The following TFAP2E variants were observed in gnomAD, a reference collection of about 807,000 sequenced individuals.
TFAP2E encodes transcription factor AP-2 epsilon.
In TFAP2E, 30 loss-of-function variants were observed where a neutral mutation model predicts 37.9. That is an observed-to-expected ratio of 0.79 (90% CI 0.59 to 1.07). TFAP2E has a LOEUF of 1.07. Ranked by LOEUF, TFAP2E falls within the 50% of genes least tolerant of loss-of-function variation. TFAP2E has a pLI of 0.00. For synonymous variants in TFAP2E, 318 were observed against 295.8 expected (o/e 1.08, Z -0.77); for missense variants, 567 against 637.9 (o/e 0.89, Z 1.20).
At chr1:35,578,585 G>GATT (rs1649251859) in intron 3 of TFAP2E, among the ~76,000 whole-genome samples, 1 of 152,034 alleles carries the variant, frequency 6.6e-6, no homozygotes, top group South Asian at 2.1e-4. Flanking sequence ...CCCTCTCCAC[G>GATT]GGCTCAGCTG....
chr1:35,587,135 C>G (rs140706149), intron 3 of TFAP2E, among the ~76,000 whole-genome samples: 69 of 152,282 alleles, frequency 4.5e-4, no homozygotes, highest in Middle Eastern at 3.4e-3. Context: ...GTCCCAGACT[C>G]CACACCCGAG....
rs879329755 is a variant in TFAP2E, at chr1:35,584,528, AAT to A, written c.563-3801_563-3800del. Among the ~76,000 whole-genome samples the A allele has an allele frequency of 1.4e-3, 218 of 151,692 alleles. 2 individuals are homozygous for A. The highest frequency in any genetic ancestry group is 1.5e-3 in the Non-Finnish European group (104 of 67,942). ...TTACTTTGCCCTTCTTTTTATTTTT[AAT>A]TTATCAATTTTTTGTTTTTGTTTTT... On this transcript the variant is annotated intron_variant, in intron 3 of 6. Transcript: ENST00000373235.
Position 35,588,469 on chromosome 1 carries a change from C to A in TFAP2E, c.702C>A (p.Tyr234Ter). 6.2e-7 allele frequency: 1 copy of A among 1,610,136 alleles called. No homozygotes were observed. The highest frequency in any genetic ancestry group is 8.5e-7 in the Non-Finnish European group (1 of 1,179,476). The change falls in exon 4 of 7, where the codon TAC becomes TAA. Residue 234 changes from tyrosine (Y) to a stop codon, truncating the protein, a stop_gained. Transcript: ENST00000373235. LOFTEE classifies it high-confidence loss of function. This position sits in a 1 kb window ranked among gnomAD's most constrained non-coding sequence, Gnocchi z 5.1. The part of the protein sequence containing the change: ...RLSLLSSTSK[Y>*]KVTVGEVQRR... ...CACTGCTCAGCTCAACGTCCAAGTA[C>A]AAGGTGACGGTGGGGGAGGTGCAGC...
In TFAP2E at chr1:35,590,826, ACAT is replaced by A; in HGVS notation, c.1046+55_1046+57del. ...ACACGTGGGTGCCATGCACAGACAGACATCATGTATGGGCACAATGGACACCAC... is the reference window on the plus strand; with the variant it reads ...ACACGTGGGTGCCATGCACAGACAGACATGTATGGGCACAATGGACACCAC... On this transcript the variant is annotated intron_variant, in intron 6 of 6. Transcript: ENST00000373235. This position sits in a 1 kb window ranked among gnomAD's most constrained non-coding sequence, Gnocchi z 6.2. 1 of 1,349,436 alleles carries A rather than the reference ACAT, an allele frequency of 7.4e-7. No homozygotes were observed. Among genetic ancestry groups the A allele is most frequent in the African/African-American group, 1.5e-5 (1 of 68,242 alleles). The allele number at this position is 1,349,436 out of a possible 1,614,324, so 83.6% of individuals were successfully genotyped here. A position where few individuals can be genotyped will look rare whatever the true frequency, so the allele number is the denominator to read the frequency against.
In TFAP2E at chr1:35,590,146, T is replaced by C; in HGVS notation, c.904+98T>C. ...ATGCAGGAGGGTGTGTTTAGTGGTG[T>C]GTGTGTATCCGTGTAAGTGTTGCAG... is the stretch of plus-strand genomic sequence containing the variant. On this transcript the variant is annotated intron_variant, in intron 5 of 6. Coordinates refer to ENST00000373235, the MANE Select transcript of TFAP2E (RefSeq NM_178548.4). The surrounding 1 kb of genome is among the most constrained non-coding windows in gnomAD (Gnocchi z 6.2). 2 of 1,113,412 alleles carry C rather than the reference T, an allele frequency of 1.8e-6. No individual in the cohort carries two copies. Among genetic ancestry groups the C allele is most frequent in the South Asian group, 1.3e-5 (1 of 77,664 alleles). The allele number at this position is 1,113,412 out of a possible 1,614,324, so 69.0% of individuals were successfully genotyped here. A position where few individuals can be genotyped will look rare whatever the true frequency, so the allele number is the denominator to read the frequency against.
In TFAP2E at chr1:35,588,451, C is replaced by T; in HGVS notation, c.684C>T (p.Leu228=). The change falls in exon 4 of 7, where the codon CTC becomes CTT. Residue 228 remains leucine, a synonymous_variant. Coordinates refer to ENST00000373235, the MANE Select transcript of TFAP2E (RefSeq NM_178548.4). This position sits in a 1 kb window ranked among gnomAD's most constrained non-coding sequence, Gnocchi z 5.1. Reference sequence around the variant, plus strand: ...CCGTGCCCGGCCGGCTTTCACTGCTCAGCTCAACGTCCAAGTACAAGGTGA... The same window carrying T: ...CCGTGCCCGGCCGGCTTTCACTGCTTAGCTCAACGTCCAAGTACAAGGTGA... The part of the protein sequence containing the change: ...FCSVPGRLSL[L]SSTSKYKVTV... 3 of 1,611,144 alleles carry T rather than the reference C, an allele frequency of 1.9e-6. No homozygotes were observed. Among genetic ancestry groups the T allele is most frequent in the Non-Finnish European group, 2.5e-6 (3 of 1,179,920 alleles).
chr1:35,584,546 T>C (rs754180680), intron 3 of TFAP2E, among the ~76,000 whole-genome samples: 1 of 151,976 alleles, frequency 6.6e-6, no homozygotes, highest in African/African-American at 2.4e-5. Context: ...AATTTTTTGT[T>C]TTTGTTTTTG....
intron 3 of TFAP2E, among the ~76,000 whole-genome samples, chr1:35,578,625 G>A (rs1322014503): frequency 6.6e-6 from 1 of 152,080 alleles, no homozygotes; most frequent in East Asian, 1.9e-4. Context: ...TAGGACAGGA[G>A]CTGATGTAAA....
intron 4 of TFAP2E, 33 bp from the exon 5 acceptor site, chr1:35,589,897 G>A: frequency 1.2e-6 from 2 of 1,609,020 alleles, no homozygotes; most frequent in Non-Finnish European, 1.7e-6. Flanking sequence ...TGTCTTCATA[G>A]TTGTATGTCT....
Position 35,577,450 on chromosome 1 carries a change from G to T in TFAP2E, c.562+2450G>T. On this transcript the variant is annotated intron_variant, in intron 3 of 6. Transcript: ENST00000373235. The surrounding 1 kb of genome is among the most constrained non-coding windows in gnomAD (Gnocchi z 6.3). ...CTCCTGTCCTGCCCCACAGACCTTC[G>T]GCCTCCGCCGAGTGCGGTACTGGAG... The T allele has an allele frequency of 4.4e-6, 2 of 456,758 alleles. No homozygotes were observed. Among genetic ancestry groups the T allele is most frequent in the South Asian group, 3.1e-5 (2 of 64,572 alleles). The allele number at this position is 456,758 out of a possible 1,614,324, so 28.3% of individuals were successfully genotyped here.
intron 3 of TFAP2E, among the ~76,000 whole-genome samples, chr1:35,584,698 G>A (rs749949996): frequency 5.3e-5 from 8 of 151,436 alleles, no homozygotes; most frequent in African/African-American, 1.5e-4. Flanking sequence ...CAATCACGCC[G>A]GGCTAATTTT....
intron 3 of TFAP2E, among the ~76,000 whole-genome samples, chr1:35,583,483 G>T (rs1349561038): frequency 6.6e-6 from 1 of 152,262 alleles, no homozygotes; most frequent in East Asian, 1.9e-4. Flanking sequence ...ACTTTAACAA[G>T]GCTTCTTGGA....
chr1:35,577,117 C>A lies in TFAP2E; in HGVS notation c.562+2117C>A, dbSNP rs1649201646. Among the ~76,000 whole-genome samples the A allele has an allele frequency of 6.6e-6, 1 of 152,216 alleles. No individual in the cohort carries two copies. The highest frequency in any genetic ancestry group is 2.4e-5 in the African/African-American group (1 of 41,458). On this transcript the variant is annotated intron_variant, in intron 3 of 6. Coordinates refer to ENST00000373235, the MANE Select transcript of TFAP2E (RefSeq NM_178548.4). This position sits in a 1 kb window ranked among gnomAD's most constrained non-coding sequence, Gnocchi z 6.3. The stretch of plus-strand genomic sequence containing the variant: ...AGCGGAGACTGCGCCCTGGACGCCC[C>A]AGCCTAGACGTCAAGTTACAGCCCG...
intron 3 of TFAP2E, among the ~76,000 whole-genome samples, chr1:35,580,776 A>G (rs76186414): frequency 1.3e-5 from 2 of 148,998 alleles, no homozygotes; most frequent in Non-Finnish European, 3.0e-5. Flanking sequence ...CTCTGCCTCA[A>G]AAAAAAAAAA....
chr1:35,573,345 T>C lies in TFAP2E; in HGVS notation c.-233T>C. ...GGAAGGGCGGGCGCTGGGCACCCGT[T>C]GACCGACTTTTCCAAGTGCGATCAG... On this transcript the variant is annotated 5_prime_UTR_variant, in exon 1 of 7. Transcript: ENST00000373235. This position sits in a 1 kb window ranked among gnomAD's most constrained non-coding sequence, Gnocchi z 5.9. 1 of 464,264 alleles carries C rather than the reference T, an allele frequency of 2.2e-6. No individual in the cohort carries two copies. The highest frequency in any genetic ancestry group is 3.7e-6 in the Non-Finnish European group (1 of 271,358). 28.8% of individuals were successfully genotyped at this position (464,264 alleles called of 1,614,324 possible).
intron 3 of TFAP2E, among the ~76,000 whole-genome samples, chr1:35,578,390 T>C (rs1380134810): frequency 2.0e-5 from 3 of 149,232 alleles, no homozygotes; most frequent in African/African-American, 7.5e-5. Flanking sequence ...ATCGCGCCAC[T>C]GCACTCCAGC....
intron 3 of TFAP2E, among the ~76,000 whole-genome samples, chr1:35,586,699 A>T (rs1483962789): frequency 6.6e-6 from 1 of 151,872 alleles, no homozygotes; most frequent in Non-Finnish European, 1.5e-5. Context: ...GATGGATGGG[A>T]TGTGCTGGGG....
intron 3 of TFAP2E, among the ~76,000 whole-genome samples, chr1:35,586,351 C>G (rs139321641): frequency 1.2e-4 from 18 of 152,292 alleles, no homozygotes; most frequent in African/African-American, 3.4e-4. Context: ...ATAGTTGGCA[C>G]TCATTGACAG....
At chr1:35,593,200 G>A (rs750907177) in intron 6 of TFAP2E, among the ~76,000 whole-genome samples, 2 of 152,058 alleles carry the variant, frequency 1.3e-5, no homozygotes, top group Non-Finnish European at 2.9e-5. Context: ...AATTAGCCAG[G>A]AGTGATGGTG....
Sources: allele counts gnomAD v4.1 joint callset (sites outside exome capture counted in the v4.1 genomes callset), GRCh38; gene constraint gnomAD v4.1.1; non-coding constraint Gnocchi (gnomAD v3.1); transcripts MANE v1.5; gene names NCBI Gene and HGNC (gene_info 2026-07-23, HGNC 2026-07-21).